Variants in SCAPER observed in about 807,000 individuals in gnomAD.
SCAPER encodes S-phase cyclin A associated protein in the ER, also known as S phase cyclin A-associated protein in the endoplasmic reticulum.
A neutral mutation model predicts 182.2 loss-of-function variants in SCAPER; 98 were observed. The observed-to-expected ratio is 0.54, with a 90% confidence interval of 0.46 to 0.64. The LOEUF (loss-of-function observed/expected upper bound fraction) is 0.64. Ranked by LOEUF, SCAPER falls within the 30% of genes least tolerant of loss-of-function variation. The pLI is 0.00. For synonymous variants in SCAPER, 605 were observed against 564.6 expected, an observed-to-expected ratio of 1.07 and a Z score of -1.01; for missense variants, 1,432 against 1,690.0, an observed-to-expected ratio of 0.85 and a Z score of 2.68.
intron 23 of SCAPER, among the ~76,000 whole-genome samples, chr15:76,553,120 G>A: frequency 6.6e-6 from 1 of 152,218 alleles, no homozygotes; most frequent in East Asian, 1.9e-4. Flanking sequence ...TGCTGGCTAT[G>A]GGTGTGGGTG....
At chr15:76,608,413 G>A (rs1275273532) in intron 22 of SCAPER, among the ~76,000 whole-genome samples, 1 of 152,168 alleles carries the variant, frequency 6.6e-6, no homozygotes, top group East Asian at 1.9e-4. Context: ...CGTGTAAGGT[G>A]TCAATCTGCC....
intron 29 of SCAPER, among the ~76,000 whole-genome samples, chr15:76,364,460 T>C (rs7165823): frequency 0.97 from 147,778 of 152,124 alleles, 71,913 homozygotes; most frequent in South Asian, 1. Flanking sequence ...GCTTTGGAAA[T>C]AAGGTGATGC....
At chr15:76,501,861 G>A (rs529965314) in intron 24 of SCAPER, among the ~76,000 whole-genome samples, 76 of 152,324 alleles carry the variant, frequency 5.0e-4, no homozygotes, top group Admixed American at 1.8e-3. Flanking sequence ...CAACTGGAAG[G>A]AAAATGAGAA....
At chr15:76,471,159 G>A in intron 25 of SCAPER, 53 bp downstream of exon 25, 2 of 1,451,666 alleles carry the variant, frequency 1.4e-6, no homozygotes, top group Non-Finnish European at 9.2e-7. Flanking sequence ...TCTCCACAGG[G>A]ACTATTTCTC....
chr15:76,813,249 A>C lies in SCAPER; in HGVS notation c.394-8616T>G, dbSNP rs8041584. On this transcript the variant is annotated intron_variant, in intron 5 of 31. Coordinates refer to ENST00000563290, the MANE Select transcript of SCAPER (RefSeq NM_020843.4). ...CACTAAAAAAAAAAAAAAAAAAAAA[A>C]AAAAAACAACTCAACAAAATAGGTA... 4.1e-3 allele frequency among the ~76,000 whole-genome samples: 249 copies of C among 60,108 alleles called. 5 individuals are homozygous for C. The Middle Eastern group carries it at 0.073, about 18-fold the overall frequency. 39.4% of individuals were successfully genotyped at this position (60,108 alleles called of 152,430 possible). A position where few individuals can be genotyped will look rare whatever the true frequency, so the allele number is the denominator to read the frequency against.
chr15:76,569,593 G>T (rs892450344), intron 23 of SCAPER, among the ~76,000 whole-genome samples: 1 of 152,006 alleles, frequency 6.6e-6, no homozygotes, highest in Non-Finnish European at 1.5e-5. Flanking sequence ...AAATTGATTT[G>T]TAAGTTTTGG....
intron 8 of SCAPER, among the ~76,000 whole-genome samples, chr15:76,777,466 A>AG (rs1423193900): frequency 2.0e-5 from 3 of 152,166 alleles, no homozygotes; most frequent in East Asian, 1.9e-4. Context: ...TAGGAGGCCA[A>AG]GGGGGGTGGA....
At position 76,536,720 on chromosome 15, in the gene SCAPER, A is replaced by G. The variant is rs993308028; in HGVS notation, c.2839-31746T>C. On this transcript the variant is annotated intron_variant, in intron 23 of 31. Coordinates refer to ENST00000563290, the MANE Select transcript of SCAPER (RefSeq NM_020843.4). ...AGTGTTGGAAGTTCTGGCCAGGGCA[A>G]TTAGGCAGGAGAAGGAAATAAAGGG... is the stretch of plus-strand genomic sequence containing the variant. 2.6e-5 allele frequency among the ~76,000 whole-genome samples: 4 copies of G among 152,086 alleles called. No individual in the cohort carries two copies. The South Asian group carries it at 8.3e-4, about 32-fold the overall frequency.
chr15:76,348,520 T>C lies in SCAPER; in HGVS notation c.*113A>G. 1.5e-6 allele frequency: 1 copy of C among 658,250 alleles called. No homozygotes were observed. The highest frequency in any genetic ancestry group is 2.6e-6 in the Non-Finnish European group (1 of 387,110). The allele number at this position is 658,250 out of a possible 1,614,324, so 40.8% of individuals were successfully genotyped here. On this transcript the variant is annotated 3_prime_UTR_variant, in exon 32 of 32. Coordinates refer to ENST00000563290, the MANE Select transcript of SCAPER (RefSeq NM_020843.4). ...TGTAAAGTACATGCCATATCTACAG[T>C]GTGGGAAGAGTATAAACATGGGAAA...
chr15:76,642,798 CT>C (rs1441164970), intron 21 of SCAPER, among the ~76,000 whole-genome samples: 1 of 152,054 alleles, frequency 6.6e-6, no homozygotes, highest in African/African-American at 2.4e-5. Context: ...TATGTTTGGA[CT>C]TTTAGACTCC....
intron 21 of SCAPER, among the ~76,000 whole-genome samples, chr15:76,633,774 C>T (rs778853015): frequency 2.0e-5 from 3 of 152,210 alleles, no homozygotes; most frequent in Non-Finnish European, 4.4e-5. Flanking sequence ...CTTACTGGCA[C>T]CTGCAGCAGG....
chr15:76,414,656 C>A (rs2045533119), intron 26 of SCAPER, among the ~76,000 whole-genome samples: 1 of 151,960 alleles, frequency 6.6e-6, no homozygotes, highest in Admixed American at 6.6e-5. Context: ...GACTTCAAAG[C>A]AAGGAGTATT....
chr15:76,408,955 T>A (rs1193155119), intron 26 of SCAPER, among the ~76,000 whole-genome samples: 3 of 152,132 alleles, frequency 2.0e-5, no homozygotes, highest in Non-Finnish European at 4.4e-5. Context: ...AAAAGCATTG[T>A]AAAGCCAAGG....
At chr15:76,546,725 G>A (rs1192491480) in intron 23 of SCAPER, among the ~76,000 whole-genome samples, 2 of 151,896 alleles carry the variant, frequency 1.3e-5, no homozygotes, top group Admixed American at 6.6e-5. Flanking sequence ...ATTTTCAAGT[G>A]TTACATAATG....
Position 76,583,614 on chromosome 15 carries a change from C to G in SCAPER, c.2712-9330G>C, listed in dbSNP as rs544389245. On this transcript the variant is annotated intron_variant, in intron 22 of 31. Transcript: ENST00000563290. ...TCTAATTAAAAAATGGGCAAAAGAT[C>G]TGAATAGACATTTCTCAAGAGAAGA... Among the ~76,000 whole-genome samples the G allele has an allele frequency of 2.0e-5, 3 of 152,256 alleles. No homozygotes were observed. The South Asian group carries it at 6.2e-4, about 32-fold the overall frequency.
chr15:76,481,877 C>T (rs1291311625), intron 24 of SCAPER, among the ~76,000 whole-genome samples: 1 of 152,222 alleles, frequency 6.6e-6, no homozygotes, highest in Non-Finnish European at 1.5e-5. Context: ...TGAAGTTCCC[C>T]TCCATTCCTC....
chr15:76,848,271 A>T (rs1464965763), intron 4 of SCAPER, among the ~76,000 whole-genome samples: 2 of 150,572 alleles, frequency 1.3e-5, no homozygotes, highest in Non-Finnish European at 2.9e-5. Flanking sequence ...AAGTGCTGGG[A>T]TTACAGGCGT....
chr15:76,745,923 G>C (rs547367055), intron 15 of SCAPER, among the ~76,000 whole-genome samples: 1 of 151,878 alleles, frequency 6.6e-6, no homozygotes, highest in Admixed American at 6.6e-5. Flanking sequence ...ACTGTCCCTC[G>C]AAAACAAAAA....
intron 15 of SCAPER, among the ~76,000 whole-genome samples, chr15:76,736,362 T>C (rs991635502): frequency 4.6e-5 from 7 of 152,226 alleles, no homozygotes; most frequent in African/African-American, 1.7e-4. Context: ...TGGCAATTTC[T>C]TAAAATAGGA....
Sources: gnomAD v4.1 joint callset for allele counts (sites outside exome capture counted in the v4.1 genomes callset) on GRCh38, gnomAD v4.1.1 for gene constraint, MANE v1.5 for transcripts, NCBI Gene and HGNC (gene_info 2026-07-23, HGNC 2026-07-21) for gene names.